LRRC28: variants seen among roughly 807,000 people sequenced by gnomAD.
LRRC28 encodes the protein leucine-rich repeat-containing protein 28.
In LRRC28, 39 loss-of-function variants were observed where a neutral mutation model predicts 45.7. That is an observed-to-expected ratio of 0.85 (90% confidence interval 0.66 to 1.12). The LOEUF (loss-of-function observed/expected upper bound fraction) is 1.12, where lower values mean the gene tolerates loss of function less well. Among genes scored for constraint, LRRC28 ranks in the 50% most tolerant of loss-of-function variants. The pLI, the probability that LRRC28 is intolerant of heterozygous loss-of-function variation, is 0.00. For missense variants in LRRC28, 435 were observed against 438.5 expected, an observed-to-expected ratio of 0.99 and a Z score of 0.07; for synonymous variants, 206 against 178.8, an observed-to-expected ratio of 1.15 and a Z score of -1.22.
chr15:99,306,334 A>G (rs1955180631), intron 5 of LRRC28, among the ~76,000 whole-genome samples: 1 of 152,242 alleles, frequency 6.6e-6, no homozygotes, highest in Non-Finnish European at 1.5e-5. Flanking sequence ...AGGAAAACAC[A>G]GATTATGTTA....
At position 99,287,315 on chromosome 15, in the gene LRRC28, T is replaced by G. The variant is rs199842296; in HGVS notation, c.247+21T>G. 207 of 1,509,584 alleles carry G rather than the reference T, an allele frequency of 1.4e-4. 2 individuals carry two copies. The African/African-American group carries it at 2.6e-3, about 19-fold the overall frequency. The allele number at this position is 1,509,584 out of a possible 1,614,324, so 93.5% of individuals were successfully genotyped here. On this transcript the variant is annotated intron_variant, in intron 4 of 9. Transcript: ENST00000301981. ...GGAAGGTATGTTTAACTTAAAAATT[T>G]TAGTTAGAAGATAATATAATTTAAG...
intron 1 of LRRC28, among the ~76,000 whole-genome samples, chr15:99,255,039 G>A (rs2080974605): frequency 6.6e-6 from 1 of 152,106 alleles, no homozygotes; most frequent in Admixed American, 6.5e-5. Context: ...CTATTTCTTT[G>A]ATGCCTCTGA....
At chr15:99,321,171 C>G (rs1955781918) in intron 5 of LRRC28, among the ~76,000 whole-genome samples, 1 of 152,112 alleles carries the variant, frequency 6.6e-6, no homozygotes, top group Non-Finnish European at 1.5e-5. Flanking sequence ...TGAAAAAATT[C>G]TATATCAAGA....
chr15:99,356,986 C>T (rs1230514707), intron 7 of LRRC28, among the ~76,000 whole-genome samples: 1 of 152,224 alleles, frequency 6.6e-6, no homozygotes, highest in Non-Finnish European at 1.5e-5. Context: ...ATGACAGACT[C>T]TTTGTCCAAG....
At chr15:99,304,025 A>G (rs1262916187) in intron 5 of LRRC28, among the ~76,000 whole-genome samples, 1 of 152,012 alleles carries the variant, frequency 6.6e-6, no homozygotes, top group Non-Finnish European at 1.5e-5. Flanking sequence ...GTATCAGATA[A>G]CCTGTACGGA....
intron 5 of LRRC28, among the ~76,000 whole-genome samples, chr15:99,302,280 G>A (rs1164626741): frequency 2.6e-5 from 4 of 152,160 alleles, no homozygotes; most frequent in Non-Finnish European, 5.9e-5. Context: ...GCCCGCCTCG[G>A]CCTCCCAAAG....
chr15:99,365,761 A>C (rs1957322157), intron 9 of LRRC28, among the ~76,000 whole-genome samples: 1 of 152,232 alleles, frequency 6.6e-6, no homozygotes, highest in African/African-American at 2.4e-5. Context: ...AAAATACCAA[A>C]TTCAGTGGAA....
At chr15:99,327,742 T>C (rs1055985254) in intron 5 of LRRC28, among the ~76,000 whole-genome samples, 3 of 152,084 alleles carry the variant, frequency 2.0e-5, no homozygotes, top group Non-Finnish European at 2.9e-5. Context: ...CTCTAATTTT[T>C]ATTATTTTCT....
chr15:99,384,150 C>G (rs1322812760), intron 9 of LRRC28: 1 of 152,174 alleles, frequency 6.6e-6, no homozygotes, highest in Non-Finnish European at 1.5e-5. Context: ...CTTTTTGGCC[C>G]TAGAGGCGAT....
rs1304882981 is a variant in LRRC28 at position 99,387,317 on chromosome 15, C to G, written c.*1215C>G. 1 of 152,134 alleles carries G rather than the reference C, an allele frequency of 6.6e-6. No homozygotes were observed. Among genetic ancestry groups the G allele is most frequent in the Non-Finnish European group, 1.5e-5 (1 of 68,022 alleles). The allele number at this position is 152,134 out of a possible 1,614,324, so 9.4% of individuals were successfully genotyped here. A position where few individuals can be genotyped will look rare whatever the true frequency, so the allele number is the denominator to read the frequency against. ...CCTCGTGATCCGCACGCCTCGGCCT[C>G]CCAAAGTGCTGGGATTACAGGCGTG... On this transcript the variant is annotated 3_prime_UTR_variant, in exon 10 of 10. Coordinates refer to ENST00000301981, the MANE Select transcript of LRRC28 (RefSeq NM_144598.5).
At chr15:99,384,893 C>T (rs1202896713) in intron 9 of LRRC28, 1 of 152,282 alleles carries the variant, frequency 6.6e-6, no homozygotes, top group African/African-American at 2.4e-5. Flanking sequence ...GGCTGGAAAA[C>T]AAAATGCACA....
chr15:99,266,739 A>G (rs1054309576), intron 2 of LRRC28, among the ~76,000 whole-genome samples: 3 of 152,334 alleles, frequency 2.0e-5, no homozygotes, highest in South Asian at 2.1e-4. Flanking sequence ...ATTCATCAAT[A>G]ATGGATTTGT....
chr15:99,353,524 G>A (rs1271995216), intron 7 of LRRC28: 1 of 152,166 alleles, frequency 6.6e-6, no homozygotes, highest in East Asian at 1.9e-4. Flanking sequence ...GGAACCTTCT[G>A]TGAAGCAAAG....
intron 9 of LRRC28, among the ~76,000 whole-genome samples, chr15:99,368,157 G>A (rs979918404): frequency 2.0e-5 from 3 of 152,106 alleles, no homozygotes; most frequent in Non-Finnish European, 4.4e-5. Flanking sequence ...CCCATGCCCA[G>A]AAAGTCCTAA....
At chr15:99,370,451 G>A (rs1286549009) in intron 9 of LRRC28, among the ~76,000 whole-genome samples, 1 of 152,070 alleles carries the variant, frequency 6.6e-6, no homozygotes, top group African/African-American at 2.4e-5. Context: ...CCAGAAGGAT[G>A]GAGCTCCAAC....
In LRRC28 at chr15:99,387,553, A is replaced by C. The variant is rs955338830; in HGVS notation, c.*1451A>C. 2.0e-5 allele frequency: 3 copies of C among 152,180 alleles called. No homozygotes were observed. The highest frequency in any genetic ancestry group is 4.4e-5 in the Non-Finnish European group (3 of 68,046). 9.4% of individuals were successfully genotyped at this position (152,180 alleles called of 1,614,324 possible). A position where few individuals can be genotyped will look rare whatever the true frequency, so the allele number is the denominator to read the frequency against. On this transcript the variant is annotated 3_prime_UTR_variant, in exon 10 of 10. Coordinates refer to ENST00000301981, the MANE Select transcript of LRRC28 (RefSeq NM_144598.5). ...ACTTCTGCAAAAGTCCATAAACAGAAAGTCTGTGAGCCTCCACCCTGCCAG... is the reference window on the plus strand; with the variant it reads ...ACTTCTGCAAAAGTCCATAAACAGACAGTCTGTGAGCCTCCACCCTGCCAG...
chr15:99,302,400 G>T (rs559235328), intron 5 of LRRC28, among the ~76,000 whole-genome samples: 1 of 148,104 alleles, frequency 6.8e-6, no homozygotes, highest in African/African-American at 2.5e-5. Context: ...TGTTTTTTTT[G>T]AGATGGGCAA....
chr15:99,265,848 C>T lies in LRRC28; in HGVS notation c.168+9723C>T, dbSNP rs117969314. ...AGAGACTTGGAGGAAAACATAAAATCTCAACCTGGAAGCAAAATCACTTAA... is the reference window on the plus strand; with the variant it reads ...AGAGACTTGGAGGAAAACATAAAATTTCAACCTGGAAGCAAAATCACTTAA... On this transcript the variant is annotated intron_variant, in intron 2 of 9. Transcript: ENST00000301981. Among the ~76,000 whole-genome samples the T allele has an allele frequency of 9.0e-3, 1,367 of 152,260 alleles. 8 individuals carry two copies. Among genetic ancestry groups the T allele is most frequent in the Non-Finnish European group, 0.014 (963 of 68,004 alleles).
At chr15:99,271,059 ATCT>A (rs1262388529) in intron 2 of LRRC28, among the ~76,000 whole-genome samples, 18 of 152,182 alleles carry the variant, frequency 1.2e-4, no homozygotes, top group Non-Finnish European at 2.4e-4. Context: ...TCATTTGCAT[ATCT>A]TCTTGGGAGA....
Sources: gnomAD v4.1 joint callset for allele counts (sites outside exome capture counted in the v4.1 genomes callset) on GRCh38, gnomAD v4.1.1 for gene constraint, MANE v1.5 for transcripts, NCBI Gene and HGNC (gene_info 2026-07-23, HGNC 2026-07-21) for gene names.